TANC2: variants seen among roughly 807,000 people sequenced by gnomAD.
TANC2 encodes protein TANC2.
Under a neutral mutation model 210.5 loss-of-function variants are expected in TANC2, and 26 were observed. The ratio of observed to expected loss-of-function variants is 0.12; its 90% confidence interval spans 0.09 to 0.17. TANC2 has a LOEUF of 0.17. Among genes scored for constraint, TANC2 ranks in the 10% least tolerant of loss-of-function variants. TANC2 has a pLI of 1.00. For missense variants in TANC2, 2,129 were observed against 2,608.9 expected (o/e 0.82, Z 4.01); for synonymous variants, 931 against 967.1 (o/e 0.96, Z 0.69).
intron 11 of TANC2, among the ~76,000 whole-genome samples, chr17:63,324,340 A>G (rs1328706116): frequency 2.0e-5 from 3 of 152,244 alleles, no homozygotes; most frequent in Non-Finnish European, 4.4e-5. Context: ...GTTCTGTACT[A>G]TACCAGGGGG....
intron 12 of TANC2, among the ~76,000 whole-genome samples, chr17:63,350,534 T>C (rs192075258): frequency 6.6e-6 from 1 of 152,210 alleles, no homozygotes; most frequent in African/African-American, 2.4e-5. Flanking sequence ...TGCCGGATCA[T>C]GTGGAGTCCA....
intron 1 of TANC2, among the ~76,000 whole-genome samples, chr17:62,971,097 G>A (rs544644096): frequency 4.6e-5 from 7 of 152,138 alleles, no homozygotes; most frequent in Middle Eastern, 3.4e-3. Flanking sequence ...TTGTAATACC[G>A]TGAGAATACC....
At chr17:63,226,290 A>C (rs2042326570) in intron 7 of TANC2, among the ~76,000 whole-genome samples, 1 of 152,214 alleles carries the variant, frequency 6.6e-6, no homozygotes, top group Non-Finnish European at 1.5e-5. Flanking sequence ...TCTTTCCAAA[A>C]TGTAAGTTTA....
intron 7 of TANC2, among the ~76,000 whole-genome samples, chr17:63,203,733 T>A (rs2041608692): frequency 6.6e-6 from 1 of 151,996 alleles, no homozygotes; most frequent in Non-Finnish European, 1.5e-5. Flanking sequence ...GCACAAAATC[T>A]TAGAGCACAT....
chr17:63,168,353 C>T (rs1304144161), intron 5 of TANC2, among the ~76,000 whole-genome samples: 2 of 152,110 alleles, frequency 1.3e-5, no homozygotes, highest in South Asian at 2.1e-4. Flanking sequence ...CATTATTTTT[C>T]CCCAGTTGCA....
intron 5 of TANC2, among the ~76,000 whole-genome samples, chr17:63,193,049 G>A (rs972999704): frequency 6.6e-6 from 1 of 152,238 alleles, no homozygotes; most frequent in South Asian, 2.1e-4. Context: ...ACCTTTAGGA[G>A]GGAGGAAAGT....
In TANC2 at chr17:63,205,372, A is replaced by C. The variant is rs2907919; in HGVS notation, c.769+4415A>C. The stretch of plus-strand genomic sequence containing the variant: ...AAAAAAAAAAAAAAAAAAAAAAAAA[A>C]CCTCATACACCGAAAACTACAAAAC... On this transcript the variant is annotated intron_variant, in intron 7 of 27. Transcript: ENST00000689528. 2.9e-3 allele frequency among the ~76,000 whole-genome samples: 382 copies of C among 131,822 alleles called. 14 individuals are homozygous for C. The highest frequency in any genetic ancestry group is 8.3e-3 in the African/African-American group (265 of 32,106). The allele number at this position is 131,822 out of a possible 152,430, so 86.5% of individuals were successfully genotyped here. A position where few individuals can be genotyped will look rare whatever the true frequency, so the allele number is the denominator to read the frequency against.
intron 6 of TANC2, among the ~76,000 whole-genome samples, chr17:63,199,492 G>A (rs1288764532): frequency 4.6e-5 from 7 of 151,872 alleles, no homozygotes; most frequent in Non-Finnish European, 5.9e-5. Flanking sequence ...GATATTTGGC[G>A]GCTGTAATCC....
chr17:62,971,749 C>G (rs1051462397), intron 1 of TANC2, among the ~76,000 whole-genome samples: 1 of 152,212 alleles, frequency 6.6e-6, no homozygotes, highest in African/African-American at 2.4e-5. Flanking sequence ...GTGAGCACCT[C>G]CTCCTGTCAG....
intron 14 of TANC2, among the ~76,000 whole-genome samples, chr17:63,361,194 A>G (rs2046947542): frequency 6.6e-6 from 1 of 152,174 alleles, no homozygotes; most frequent in Non-Finnish European, 1.5e-5. Flanking sequence ...TGGTAGTGTC[A>G]CAGGATCTTT....
At chr17:63,320,981 C>T (rs1351860445) in intron 11 of TANC2, among the ~76,000 whole-genome samples, 3 of 152,102 alleles carry the variant, frequency 2.0e-5, no homozygotes, top group Non-Finnish European at 2.9e-5. Context: ...GGTGGATCAT[C>T]TGAGGTCAGG....
At chr17:62,969,704 TG>T (rs2031580487) in intron 1 of TANC2, among the ~76,000 whole-genome samples, 1 of 151,528 alleles carries the variant, frequency 6.6e-6, no homozygotes, top group Non-Finnish European at 1.5e-5. Context: ...TGTGTGTGTG[TG>T]TGTGTGTATA....
At chr17:63,344,459 C>A (rs2046336222) in intron 12 of TANC2, among the ~76,000 whole-genome samples, 1 of 152,208 alleles carries the variant, frequency 6.6e-6, no homozygotes, top group African/African-American at 2.4e-5. Context: ...ACTCTCACCA[C>A]TTATATTCAT....
intron 8 of TANC2, among the ~76,000 whole-genome samples, chr17:63,242,385 T>C (rs1403565716): frequency 6.6e-6 from 1 of 151,830 alleles, no homozygotes; most frequent in African/African-American, 2.4e-5. Context: ...TTCTTTAAAA[T>C]ATATCTATAT....
chr17:63,157,805 G>A (rs541194795), intron 5 of TANC2, among the ~76,000 whole-genome samples: 5 of 151,970 alleles, frequency 3.3e-5, no homozygotes, highest in East Asian at 1.9e-4. Context: ...GCTGGAGTGC[G>A]GTGGCAGGGT....
chr17:63,232,506 C>CT (rs1384105097), intron 7 of TANC2, among the ~76,000 whole-genome samples: 1 of 152,204 alleles, frequency 6.6e-6, no homozygotes, highest in Non-Finnish European at 1.5e-5. Context: ...TAACAGTCTC[C>CT]TTCCATAGGG....
chr17:63,144,480 A>C (rs1385074598), intron 4 of TANC2, among the ~76,000 whole-genome samples: 2 of 152,180 alleles, frequency 1.3e-5, no homozygotes, highest in Non-Finnish European at 2.9e-5. Flanking sequence ...TACATATACT[A>C]TATCTCTAGC....
chr17:63,197,102 T>G (rs564524870), intron 6 of TANC2, among the ~76,000 whole-genome samples: 1 of 152,164 alleles, frequency 6.6e-6, no homozygotes, highest in Non-Finnish European at 1.5e-5. Context: ...TAAAATAATA[T>G]GCAGTATAGT....
chr17:63,012,803 C>T (rs1029516823), intron 2 of TANC2, among the ~76,000 whole-genome samples: 2 of 152,048 alleles, frequency 1.3e-5, no homozygotes, highest in African/African-American at 2.4e-5. Context: ...AGGTGCATAC[C>T]ACCGCACCTG....
Sources: allele counts gnomAD v4.1 joint callset (sites outside exome capture counted in the v4.1 genomes callset), GRCh38; gene constraint gnomAD v4.1.1; transcripts MANE v1.5; gene names NCBI Gene and HGNC (gene_info 2026-07-23, HGNC 2026-07-21).